The following CRACR2A variants were observed in gnomAD, a reference collection of about 807,000 sequenced individuals.
CRACR2A encodes calcium release activated channel regulator 2A, also known as EF-hand calcium-binding domain-containing protein 4B.
Under a neutral mutation model 90.5 loss-of-function variants are expected in CRACR2A, and 79 were observed. That is an observed-to-expected ratio of 0.87 (90% CI 0.73 to 1.05). The LOEUF (loss-of-function observed/expected upper bound fraction) is 1.05, where lower values mean the gene tolerates loss of function less well. Ranked by LOEUF, CRACR2A falls within the 50% of genes least tolerant of loss-of-function variation. The probability of loss-of-function intolerance (pLI) is 0.00; values close to 1 mark genes in which losing one functional copy is unlikely to be tolerated. For missense variants in CRACR2A, 823 were observed against 897.2 expected, an observed-to-expected ratio of 0.92 and a Z score of 1.06; for synonymous variants, 338 against 356.7, an observed-to-expected ratio of 0.95 and a Z score of 0.59.
chr12:3,679,230 A>C, intron 5 of CRACR2A, 132 bp from the exon 6 acceptor site: 1 of 884,016 alleles, frequency 1.1e-6, no homozygotes, highest in South Asian at 2.0e-5. Context: ...CCTCCAGCAA[A>C]GATCCATGGA....
chr12:3,646,157 T>C (rs1944682786), intron 11 of CRACR2A, among the ~76,000 whole-genome samples: 1 of 152,088 alleles, frequency 6.6e-6, no homozygotes, highest in South Asian at 2.1e-4. Flanking sequence ...GGACTTAAAG[T>C]AGGAGCAGTT....
chr12:3,650,219 T>C (rs986544320), intron 10 of CRACR2A, among the ~76,000 whole-genome samples: 3 of 152,206 alleles, frequency 2.0e-5, no homozygotes, highest in African/African-American at 4.8e-5. Flanking sequence ...ATCAGTATCA[T>C]TACTGAGCTG....
intron 7 of CRACR2A, among the ~76,000 whole-genome samples, chr12:3,663,419 G>T (rs1228642373): frequency 6.6e-6 from 1 of 152,194 alleles, no homozygotes; most frequent in South Asian, 2.1e-4. Flanking sequence ...TCTCTAAGCA[G>T]TTATTTCATC....
chr12:3,730,262 G>A (rs1183385674), intron 2 of CRACR2A: 1 of 152,210 alleles, frequency 6.6e-6, no homozygotes, highest in East Asian at 1.9e-4. Context: ...CTCTATGAGA[G>A]AAACAGCACA....
At chr12:3,744,904 C>A (rs779223349) in intron 1 of CRACR2A, among the ~76,000 whole-genome samples, 1 of 152,040 alleles carries the variant, frequency 6.6e-6, no homozygotes, top group Admixed American at 6.6e-5. Context: ...ACTGCCACTG[C>A]GCAGTATACT....
chr12:3,720,225 A>AAAAGAGAG (rs1946136633), intron 2 of CRACR2A, among the ~76,000 whole-genome samples: 1 of 125,504 alleles, frequency 8.0e-6, no homozygotes, highest in Non-Finnish European at 1.6e-5. Context: ...AGAAGAAAGA[A>AAAAGAGAG]AAAGAAAGAA....
chr12:3,627,357 G>A lies in CRACR2A; in HGVS notation c.1932+79C>T, dbSNP rs1256930961. 4.9e-6 allele frequency: 5 copies of A among 1,013,784 alleles called. No individual in the cohort carries two copies. In the Admixed American group the frequency reaches 1.2e-4, roughly 24 times the overall value. 62.8% of individuals were successfully genotyped at this position (1,013,784 alleles called of 1,614,324 possible). ...CGAATCAGATTTTGAAAATGCAGAG[G>A]CCCACGTGGGAGATGGACAGAGAAG... On this transcript the variant is annotated intron_variant, in intron 17 of 19. Coordinates refer to ENST00000440314, the MANE Select transcript of CRACR2A (RefSeq NM_001144958.2).
At chr12:3,752,686 C>T (rs1450466575) in intron 1 of CRACR2A, 1 of 153,164 alleles carries the variant, frequency 6.5e-6, no homozygotes, top group Admixed American at 6.5e-5. Flanking sequence ...CTTTACCATT[C>T]TGAGCCTCAG....
intron 2 of CRACR2A, among the ~76,000 whole-genome samples, chr12:3,721,235 G>C (rs536074767): frequency 4.6e-5 from 7 of 151,942 alleles, no homozygotes; most frequent in Admixed American, 2.6e-4. Context: ...GTTAGGAACG[G>C]GGTAAAAAGC....
chr12:3,656,384 C>A lies in CRACR2A; in HGVS notation c.785G>T (p.Arg262Leu), dbSNP rs201306081. Residue 262 changes from arginine to leucine, a missense_variant, in exon 9 of 20, where the codon CGC becomes CTC. Transcript: ENST00000440314. ...CAGTTTCTGCTCCAGCTCTTGACTG[C>A]GGGCTTGAAACCTCTCTGTGTCCTG... Reference protein sequence around the residue: ...LLKDTERFQARSQELEQKLLC... With the variant: ...LLKDTERFQALSQELEQKLLC... The A allele has an allele frequency of 3.1e-6, 5 of 1,613,984 alleles. No homozygotes were observed. The highest frequency in any genetic ancestry group is 2.7e-5 in the African/African-American group (2 of 74,888).
intron 6 of CRACR2A, among the ~76,000 whole-genome samples, chr12:3,674,709 C>T (rs986931587): frequency 1.8e-4 from 28 of 152,190 alleles, no homozygotes; most frequent in Admixed American, 1.6e-3. Context: ...AATCTTATCC[C>T]GCAAACAATC....
chr12:3,636,076 A>T (rs533795560), intron 14 of CRACR2A, among the ~76,000 whole-genome samples: 57 of 152,202 alleles, frequency 3.7e-4, no homozygotes, highest in South Asian at 1.0e-3. Flanking sequence ...CATTTTTTTT[A>T]AAATTGTTTG....
rs751854396 is a variant in CRACR2A, at chr12:3,638,424, G to A, written c.1302C>T (p.Gly434=). ...GGCCCAGGGAGCTTCTCCTTGGGAT[G>A]CCAAACACCTCCTCCTCCTCCTCTG... ...SQSEEEEEVF[G]IPRRSSLGLS... Residue 434 remains glycine, a synonymous_variant, in exon 14 of 20, where the codon GGC becomes GGT. Transcript: ENST00000440314. 3.9e-6 allele frequency: 6 copies of A among 1,547,116 alleles called. No individual in the cohort carries two copies. The South Asian group carries it at 7.1e-5, about 18-fold the overall frequency.
intron 2 of CRACR2A, chr12:3,729,810 T>G (rs1946332001): frequency 6.6e-6 from 1 of 152,170 alleles, no homozygotes; most frequent in South Asian, 2.1e-4. Context: ...GTGTGCGAGT[T>G]ATGAGTCTTG....
chr12:3,733,011 C>G lies in CRACR2A; in HGVS notation c.-187G>C, dbSNP rs749322960. The G allele has an allele frequency of 1.3e-5, 2 of 152,374 alleles. No individual in the cohort carries two copies. Among genetic ancestry groups the G allele is most frequent in the Non-Finnish European group, 2.9e-5 (2 of 68,152 alleles). The allele number at this position is 152,374 out of a possible 1,614,324, so 9.4% of individuals were successfully genotyped here. On this transcript the variant is annotated 5_prime_UTR_variant, in exon 2 of 20. Transcript: ENST00000440314. ...GGCAGCACACCTGTGTTGAATTCTCCTGGCACTCCTGCTGAATCCCAGCGC... is the reference window on the plus strand; with the variant it reads ...GGCAGCACACCTGTGTTGAATTCTCGTGGCACTCCTGCTGAATCCCAGCGC...
At chr12:3,749,793 CTTTGTGTGTGTG>C (rs1946678622) in intron 1 of CRACR2A, among the ~76,000 whole-genome samples, 1 of 106,108 alleles carries the variant, frequency 9.4e-6, no homozygotes, top group Non-Finnish European at 1.9e-5. Flanking sequence ...GTTGCTGTTT[CTTTGTGTGTGTG>C]TGTGTGTGTG....
chr12:3,633,584 C>A lies in CRACR2A; in HGVS notation c.1735+20G>T. 8 of 1,551,658 alleles carry A rather than the reference C, an allele frequency of 5.2e-6. No homozygotes were observed. Among genetic ancestry groups the A allele is most frequent in the South Asian group, 1.2e-5 (1 of 84,046 alleles). On this transcript the variant is annotated intron_variant, in intron 15 of 19. Transcript: ENST00000440314. This position sits in a 1 kb window ranked among gnomAD's most constrained non-coding sequence, Gnocchi z 4.5. ...TTCCCAAAGATGGGCCTAGGACCCA[C>A]CTCAGGGATGAGAACTCACCCACAG... is the stretch of plus-strand genomic sequence containing the variant.
rs748740997 is a variant in CRACR2A at position 3,648,577 on chromosome 12, C to T, written c.1083G>A (p.Glu361=). 2.4e-5 allele frequency: 39 copies of T among 1,614,188 alleles called. No homozygotes were observed. In the South Asian group the frequency reaches 4.2e-4, roughly 17 times the overall value. Residue 361 remains glutamate, a synonymous_variant, in exon 11 of 20, where the codon GAG becomes GAA. Coordinates refer to ENST00000440314, the MANE Select transcript of CRACR2A (RefSeq NM_001144958.2). ...CCAGCTGCTTGAGGAGCCCGGCCTT[C>T]TCACGCTGTAGACTCTCCGTCACAC... ...VYRVTESLQR[E]KAGLLKQLDF... is the part of the protein sequence containing the mutation.
At chr12:3,720,155 A>AAGAG (rs1240702060) in intron 2 of CRACR2A, among the ~76,000 whole-genome samples, 2 of 122,130 alleles carry the variant, frequency 1.6e-5, no homozygotes, top group African/African-American at 3.0e-5. Context: ...GAAAGAAAGA[A>AAGAG]AGAGAGAGAG....
Sources: gnomAD v4.1 joint callset for allele counts (sites outside exome capture counted in the v4.1 genomes callset) on GRCh38, gnomAD v4.1.1 for gene constraint, Gnocchi (gnomAD v3.1) non-coding constraint, MANE v1.5 for transcripts, NCBI Gene and HGNC (gene_info 2026-07-23, HGNC 2026-07-21) for gene names.